Variants in NTRK2 observed in about 807,000 individuals in gnomAD.
The protein encoded by NTRK2 is neurotrophic receptor tyrosine kinase 2.
Under a neutral mutation model 94.5 loss-of-function variants are expected in NTRK2, and 13 were observed. That is an observed-to-expected ratio of 0.14 (90% CI 0.09 to 0.22). The LOEUF (loss-of-function observed/expected upper bound fraction) is 0.22. Among genes scored for constraint, NTRK2 ranks in the 10% least tolerant of loss-of-function variants. The probability of loss-of-function intolerance (pLI) is 1.00; values close to 1 mark genes in which losing one functional copy is unlikely to be tolerated. For synonymous variants in NTRK2, 372 were observed against 407.4 expected (o/e 0.91, Z 1.05); for missense variants, 639 against 1,071.2 (o/e 0.60, Z 5.63).
At chr9:84,893,410 G>T (rs189246419) in intron 14 of NTRK2, among the ~76,000 whole-genome samples, 1 of 152,146 alleles carries the variant, frequency 6.6e-6, no homozygotes, top group African/African-American at 2.4e-5. Context: ...TCCTTGCCTC[G>T]CAGGAGCAAG....
At chr9:84,897,924 C>A (rs2076807757) in intron 14 of NTRK2, among the ~76,000 whole-genome samples, 1 of 152,170 alleles carries the variant, frequency 6.6e-6, no homozygotes. Context: ...GTAGCCATGG[C>A]AACCACAGCT....
chr9:84,881,292 C>G (rs1276392806), intron 14 of NTRK2, among the ~76,000 whole-genome samples: 2 of 151,956 alleles, frequency 1.3e-5, no homozygotes, highest in African/African-American at 2.4e-5. Context: ...GGGGAGGGGA[C>G]AACAAGGGTA....
intron 2 of NTRK2, among the ~76,000 whole-genome samples, chr9:84,686,069 A>G (rs568833650): frequency 7.5e-4 from 115 of 152,356 alleles, no homozygotes; most frequent in African/African-American, 2.6e-3. Context: ...CTAGAACTCT[A>G]AATAAGAGTA....
chr9:84,959,904 G>C (rs1824696949), intron 17 of NTRK2, among the ~76,000 whole-genome samples: 1 of 152,134 alleles, frequency 6.6e-6, no homozygotes, highest in East Asian at 1.9e-4. Flanking sequence ...GCACTGTTTG[G>C]TTTTAACATA....
At chr9:84,726,590 T>C (rs529138962) in intron 8 of NTRK2, among the ~76,000 whole-genome samples, 2 of 152,332 alleles carry the variant, frequency 1.3e-5, no homozygotes, top group East Asian at 1.9e-4. Context: ...CTTAGATTTT[T>C]TTCTCCTCTT....
At chr9:84,836,957 T>C (rs2073912139) in intron 12 of NTRK2, among the ~76,000 whole-genome samples, 1 of 146,456 alleles carries the variant, frequency 6.8e-6, no homozygotes, top group Admixed American at 6.9e-5. Context: ...TAATATAATA[T>C]AATATAATAT....
intron 10 of NTRK2, among the ~76,000 whole-genome samples, chr9:84,743,689 C>G (rs2063829719): frequency 6.6e-6 from 1 of 152,320 alleles, no homozygotes; most frequent in African/African-American, 2.4e-5. Context: ...CTGTTAGCCT[C>G]AGATCCTACT....
intron 13 of NTRK2, among the ~76,000 whole-genome samples, chr9:84,863,419 A>T (rs2075424806): frequency 6.6e-6 from 1 of 152,218 alleles, no homozygotes; most frequent in Non-Finnish European, 1.5e-5. Flanking sequence ...CTACCTCGCC[A>T]TTTAAAACTT....
intron 9 of NTRK2, among the ~76,000 whole-genome samples, chr9:84,741,539 A>G (rs1212722738): frequency 6.6e-6 from 1 of 152,244 alleles, no homozygotes; most frequent in Non-Finnish European, 1.5e-5. Context: ...TGTCTCTGGA[A>G]TAAAAATACC....
Position 84,685,365 on chromosome 9 carries a change from CT to C in NTRK2, c.212+14418del, listed in dbSNP as rs35011896. Among the ~76,000 whole-genome samples the C allele has an allele frequency of 1.0e-3, 144 of 143,396 alleles. 1 individual carries two copies. The highest frequency in any genetic ancestry group is 4.6e-3 in the East Asian group (23 of 4,948). The allele number at this position is 143,396 out of a possible 152,430, so 94.1% of individuals were successfully genotyped here. ...TAAATTTTATCTCCCACAGCTTCTT[CT>C]TTTTTTTTTTTTCTACTTGAAGTAT... is the stretch of plus-strand genomic sequence containing the variant. On this transcript the variant is annotated intron_variant, in intron 2 of 18. Transcript: ENST00000277120.
At chr9:84,966,783 A>G (rs571240290) in intron 17 of NTRK2, among the ~76,000 whole-genome samples, 3 of 152,336 alleles carry the variant, frequency 2.0e-5, no homozygotes, top group African/African-American at 7.2e-5. Flanking sequence ...GAAAGTAGAC[A>G]AGGATATAAC....
chr9:84,770,350 C>T (rs1348105502), intron 12 of NTRK2, among the ~76,000 whole-genome samples: 1 of 152,114 alleles, frequency 6.6e-6, no homozygotes, highest in Non-Finnish European at 1.5e-5. Flanking sequence ...AAGTTCTCTG[C>T]AGGATCTGTG....
At chr9:84,964,536 C>T (rs189034836) in intron 17 of NTRK2, among the ~76,000 whole-genome samples, 1 of 152,322 alleles carries the variant, frequency 6.6e-6, no homozygotes, top group Admixed American at 6.5e-5. Context: ...GCATCCTCTG[C>T]AGATCTTCAG....
chr9:84,977,928 T>G (rs1045527148), intron 17 of NTRK2, among the ~76,000 whole-genome samples: 1 of 152,226 alleles, frequency 6.6e-6, no homozygotes, highest in Non-Finnish European at 1.5e-5. Flanking sequence ...TTTTTAATGT[T>G]ACTATTGTAC....
Position 84,948,652 on chromosome 9 carries a change from G to C in NTRK2, c.1937+18G>C, listed in dbSNP as rs201024551. On this transcript the variant is annotated intron_variant, in intron 16 of 18. Transcript: ENST00000277120. The stretch of plus-strand genomic sequence containing the variant: ...TTCCTCAGGTACAGTGAGGCGGGGA[G>C]GTGGGCTCCAGGAGGGAGCAGGCCT... The C allele has an allele frequency of 1.9e-6, 3 of 1,613,410 alleles. No homozygotes were observed. The highest frequency in any genetic ancestry group is 2.5e-6 in the Non-Finnish European group (3 of 1,179,594).
intron 12 of NTRK2, among the ~76,000 whole-genome samples, chr9:84,826,921 T>C (rs2131626093): frequency 6.6e-6 from 1 of 152,276 alleles, no homozygotes; most frequent in South Asian, 2.1e-4. Context: ...TAAACAGGTG[T>C]TCAGATCTGA....
chr9:84,712,833 A>G (rs2061495617), intron 6 of NTRK2, among the ~76,000 whole-genome samples: 2 of 152,214 alleles, frequency 1.3e-5, no homozygotes, highest in Admixed American at 1.3e-4. Flanking sequence ...ATTACGTGAA[A>G]TTCATGATAC....
chr9:84,955,193 T>C, intron 16 of NTRK2, 90 bp from the exon 17 acceptor site: 1 of 1,092,498 alleles, frequency 9.2e-7, no homozygotes, highest in South Asian at 1.3e-5. Flanking sequence ...GTGAGGAGCT[T>C]AGCAAGAGGG....
In NTRK2 at chr9:84,752,002, T is replaced by C. The variant is rs778403210; in HGVS notation, c.1313T>C (p.Val438Ala). ...TTTCTCTAGGTCTATGCTGTGGTGGTGATTGCGTCTGTGGTGGGATTTTGC... is the reference window on the plus strand; with the variant it reads ...TTTCTCTAGGTCTATGCTGTGGTGGCGATTGCGTCTGTGGTGGGATTTTGC... Reference protein sequence around the residue: ...REHLSVYAVVVIASVVGFCLL... With the variant: ...REHLSVYAVVAIASVVGFCLL... Residue 438 changes from valine (V) to alanine (A), a missense_variant, in exon 12 of 19, where the codon GTG (valine) becomes GCG (alanine). Val to Ala is a moderately conservative substitution (Grantham distance 64). Coordinates refer to ENST00000277120, the MANE Select transcript of NTRK2 (RefSeq NM_006180.6). 12 of 1,614,070 alleles carry C rather than the reference T, an allele frequency of 7.4e-6. No homozygotes were observed. The highest frequency in any genetic ancestry group is 1.0e-5 in the Non-Finnish European group (12 of 1,179,954).
Sources: gnomAD v4.1 joint callset for allele counts (sites outside exome capture counted in the v4.1 genomes callset) on GRCh38, gnomAD v4.1.1 for gene constraint, MANE v1.5 for transcripts, NCBI Gene and HGNC (gene_info 2026-07-23, HGNC 2026-07-21) for gene names.